Variants in FRAS1 observed in about 807,000 individuals in gnomAD.
FRAS1 encodes the protein Fraser extracellular matrix complex subunit 1.
FRAS1 carries 290 observed loss-of-function variants against 435.2 expected under a neutral mutation model. That is an observed-to-expected ratio of 0.67 (90% CI 0.61 to 0.73). The LOEUF (loss-of-function observed/expected upper bound fraction) is 0.73. FRAS1 is among the 30% of genes least tolerant of loss of function. FRAS1 has a pLI of 0.00. For missense variants in FRAS1, 4,860 were observed against 5,001.5 expected (o/e 0.97, Z 0.85); for synonymous variants, 1,800 against 1,851.0 (o/e 0.97, Z 0.71).
intron 15 of FRAS1, among the ~76,000 whole-genome samples, chr4:78,312,879 G>GAGAGAAAGAA (rs143465313): frequency 7.7e-6 from 1 of 129,074 alleles, no homozygotes; most frequent in Non-Finnish European, 1.7e-5. Context: ...GAGAGAGAGA[G>GAGAGAAAGAA]AGAAAGAAAG....
chr4:78,344,009 C>T (rs1730502969), intron 20 of FRAS1, among the ~76,000 whole-genome samples: 1 of 151,562 alleles, frequency 6.6e-6, no homozygotes, highest in Non-Finnish European at 1.5e-5. Context: ...TTATTTTGAT[C>T]ACCAAATCCT....
chr4:78,363,413 C>T lies in FRAS1; in HGVS notation c.2423-100C>T, dbSNP rs899877307. On this transcript the variant is annotated intron_variant, in intron 20 of 73. Transcript: ENST00000512123. ...TGGGCTACTCTCCAGCTGTCAGCTGCAGTGTTTGTAATTGAAATCTCTTCT... is the reference window on the plus strand; with the variant it reads ...TGGGCTACTCTCCAGCTGTCAGCTGTAGTGTTTGTAATTGAAATCTCTTCT... 5 of 1,172,702 alleles carry T rather than the reference C, an allele frequency of 4.3e-6. No homozygotes were observed. The African/African-American group carries it at 7.6e-5, about 18-fold the overall frequency. The allele number at this position is 1,172,702 out of a possible 1,614,324, so 72.6% of individuals were successfully genotyped here.
At chr4:78,532,753 C>T (rs1721755558) in intron 70 of FRAS1, among the ~76,000 whole-genome samples, 1 of 152,144 alleles carries the variant, frequency 6.6e-6, no homozygotes. Context: ...CTGTGTCTGG[C>T]TAATTTCACA....
intron 26 of FRAS1, 73 bp from the exon 27 acceptor site, chr4:78,379,653 A>C (rs977154543): frequency 6.8e-7 from 1 of 1,459,882 alleles, no homozygotes; most frequent in Middle Eastern, 2.4e-4. Flanking sequence ...GAAAAAATAA[A>C]CAAAATAAGG....
In FRAS1 at chr4:78,422,836, G is replaced by A. The variant is rs934202648; in HGVS notation, c.4678+836G>A. On this transcript the variant is annotated intron_variant, in intron 34 of 73. Transcript: ENST00000512123. Reference sequence around the variant, plus strand: ...CAGAGTGGATGGCACTAGGGTAAGGGGAGGCCAGTGAGGGTCCTGCAGTAC... The same window carrying A: ...CAGAGTGGATGGCACTAGGGTAAGGAGAGGCCAGTGAGGGTCCTGCAGTAC... Among the ~76,000 whole-genome samples, 46 of 152,210 alleles carry A rather than the reference G, an allele frequency of 3.0e-4. 1 individual carries two copies. The highest frequency in any genetic ancestry group is 2.4e-3 in the Admixed American group (37 of 15,286).
chr4:78,157,960 T>C (rs1720966355), intron 2 of FRAS1, among the ~76,000 whole-genome samples: 1 of 152,202 alleles, frequency 6.6e-6, no homozygotes, highest in Non-Finnish European at 1.5e-5. Context: ...TTGTTGACTT[T>C]GTTGAATATA....
chr4:78,095,401 G>A (rs183698199), intron 2 of FRAS1, among the ~76,000 whole-genome samples: 4 of 152,272 alleles, frequency 2.6e-5, no homozygotes, highest in African/African-American at 7.2e-5. Flanking sequence ...TTACTGGTTG[G>A]TGAAATCTCA....
rs990510998 is a variant in FRAS1 at position 78,425,617 on chromosome 4, A to G, written c.4711+1197A>G. ...AGGATTAAAAATCGCACTTGAATCA[A>G]TAGTAAATTTCAGTGTTGTGTTACT... On this transcript the variant is annotated intron_variant, in intron 35 of 73. Coordinates refer to ENST00000512123, the MANE Select transcript of FRAS1 (RefSeq NM_025074.7). Among the ~76,000 whole-genome samples, 8 of 152,198 alleles carry G rather than the reference A, an allele frequency of 5.3e-5. No homozygotes were observed. The East Asian group carries it at 1.3e-3, about 26-fold the overall frequency.
rs186975442 is a variant in FRAS1 at position 78,507,562 on chromosome 4, T to G, written c.9458T>G (p.Leu3153Arg). ...GTGACTACTGCCACGGTGACAATTC[T>G]AGACCAGGAGGCAGCAGGGAGCCTC... ...GDVTTATVTILDQEAAGSLIL... is the reference protein window; with the variant it reads ...GDVTTATVTIRDQEAAGSLIL... The change falls in exon 62 of 74, where the codon CTA becomes CGA. Residue 3153 changes from leucine to arginine, a missense_variant. Physicochemically the swap from Leu to Arg is moderately radical, Grantham distance 102 (BLOSUM62 -2). Coordinates refer to ENST00000512123, the MANE Select transcript of FRAS1 (RefSeq NM_025074.7). 5 of 1,609,538 alleles carry G rather than the reference T, an allele frequency of 3.1e-6. No homozygotes were observed. The East Asian group carries it at 9.0e-5, about 29-fold the overall frequency.
intron 2 of FRAS1, among the ~76,000 whole-genome samples, chr4:78,149,268 T>G (rs1751822516): frequency 6.6e-6 from 1 of 152,212 alleles, no homozygotes; most frequent in South Asian, 2.1e-4. Flanking sequence ...GGGCTTAATA[T>G]CTGACTTTTG....
rs755698947 is a variant in FRAS1, at chr4:78,379,829, G to A, written c.3396G>A (p.Glu1132=). ...DFSLLNVQDQ[E]GRVEDLLFHV... Reference sequence around the variant, plus strand: ...CCCTCCTGAATGTCCAAGACCAGGAGGGTAGGGTCGAAGATCTCCTATTTC... The same window carrying A: ...CCCTCCTGAATGTCCAAGACCAGGAAGGTAGGGTCGAAGATCTCCTATTTC... The change falls in exon 27 of 74, where the codon GAG becomes GAA. Residue 1132 remains glutamate (E), a synonymous_variant. Transcript: ENST00000512123. The A allele has an allele frequency of 1.2e-6, 2 of 1,613,882 alleles. No homozygotes were observed. The highest frequency in any genetic ancestry group is 1.1e-5 in the South Asian group (1 of 91,078).
At position 78,521,646 on chromosome 4, in the gene FRAS1, T is replaced by A. The variant is rs1232693153; in HGVS notation, c.10648+16T>A. ...AAATTCAGAGGTAATATCAATGCCG[T>A]TTTTTTTTTCCAACTTTTTATTAAG... On this transcript the variant is annotated intron_variant, in intron 68 of 73. Transcript: ENST00000512123. 9 of 391,452 alleles carry A rather than the reference T, an allele frequency of 2.3e-5. No homozygotes were observed. Among genetic ancestry groups the A allele is most frequent in the Admixed American group, 5.6e-5 (1 of 17,718 alleles). 24.2% of individuals were successfully genotyped at this position (391,452 alleles called of 1,614,324 possible).
At chr4:78,336,606 C>T (rs1297053397) in intron 19 of FRAS1, among the ~76,000 whole-genome samples, 2 of 152,040 alleles carry the variant, frequency 1.3e-5, no homozygotes, top group Non-Finnish European at 2.9e-5. Context: ...AGAGTGCTAT[C>T]CTTCTAATCA....
intron 30 of FRAS1, among the ~76,000 whole-genome samples, chr4:78,402,608 C>T (rs1043256605): frequency 1.3e-5 from 2 of 152,128 alleles, no homozygotes; most frequent in East Asian, 3.8e-4. Context: ...CTAATGTTAA[C>T]GTCTTATAAC....
intron 56 of FRAS1, among the ~76,000 whole-genome samples, chr4:78,481,404 T>A (rs1720006682): frequency 6.6e-6 from 1 of 152,250 alleles, no homozygotes; most frequent in African/African-American, 2.4e-5. Flanking sequence ...GACTATTTTC[T>A]GACACATCCC....
At chr4:78,521,063 A>G (rs1721371973) in intron 67 of FRAS1, among the ~76,000 whole-genome samples, 1 of 152,212 alleles carries the variant, frequency 6.6e-6, no homozygotes, top group Admixed American at 6.5e-5. Context: ...TTGGCTTTCT[A>G]CAAGCTGGCT....
chr4:78,065,083 T>TATATATATATACACAC lies in FRAS1; in HGVS notation c.77-901_77-900insTATATATATACACACA, dbSNP rs1383890164. Among the ~76,000 whole-genome samples the TATATATATATACACAC allele has an allele frequency of 1.4e-4, 20 of 140,598 alleles. No homozygotes were observed. In the East Asian group the frequency reaches 3.2e-3, roughly 23 times the overall value. 92.2% of individuals were successfully genotyped at this position (140,598 alleles called of 152,430 possible). A position where few individuals can be genotyped will look rare whatever the true frequency, so the allele number is the denominator to read the frequency against. ...GTATATATATATATATATATATATA[T>TATATATATATACACAC]ACATACACACACACACACTAAATAC... On this transcript the variant is annotated intron_variant, in intron 1 of 73. Transcript: ENST00000512123.
intron 60 of FRAS1, among the ~76,000 whole-genome samples, chr4:78,497,498 A>G (rs1299902886): frequency 1.3e-5 from 2 of 152,232 alleles, no homozygotes; most frequent in Admixed American, 6.5e-5. Flanking sequence ...TTTCACTAAA[A>G]TAGATATTTT....
At chr4:78,132,920 C>T (rs376274833) in intron 2 of FRAS1, among the ~76,000 whole-genome samples, 1 of 152,154 alleles carries the variant, frequency 6.6e-6, no homozygotes, top group African/African-American at 2.4e-5. Flanking sequence ...TGGCCCACGC[C>T]ACACTTGGTT....
Sources: gnomAD v4.1 joint callset for allele counts (sites outside exome capture counted in the v4.1 genomes callset) on GRCh38, gnomAD v4.1.1 for gene constraint, MANE v1.5 for transcripts, NCBI Gene and HGNC (gene_info 2026-07-23, HGNC 2026-07-21) for gene names.